EXD2: variants seen among roughly 807,000 people sequenced by gnomAD.
The protein encoded by EXD2 is exonuclease 3'-5' domain-containing protein 2.
In EXD2, 40 loss-of-function variants were observed where a neutral mutation model predicts 62.5. The observed-to-expected ratio is 0.64, with a 90% CI of 0.50 to 0.83. The LOEUF (loss-of-function observed/expected upper bound fraction) is 0.83, where lower values mean the gene tolerates loss of function less well. Among genes scored for constraint, EXD2 ranks in the 40% least tolerant of loss-of-function variants. The pLI, the probability that EXD2 is intolerant of heterozygous loss-of-function variation, is 0.00. For synonymous variants in EXD2, 239 were observed against 291.9 expected (o/e 0.82, Z 1.85); for missense variants, 671 against 761.8 (o/e 0.88, Z 1.40).
chr14:69,232,991 T>C (rs2043639457), intron 5 of EXD2, among the ~76,000 whole-genome samples: 2 of 152,230 alleles, frequency 1.3e-5, no homozygotes, highest in African/African-American at 4.8e-5. Flanking sequence ...TATTTTCTTC[T>C]AAAAGTCATA....
At chr14:69,232,694 C>T (rs561547333) in intron 5 of EXD2, among the ~76,000 whole-genome samples, 3 of 152,216 alleles carry the variant, frequency 2.0e-5, no homozygotes, top group South Asian at 2.1e-4. Flanking sequence ...GTATATCTTC[C>T]GTGGAGAAAT....
At chr14:69,196,958 A>G (rs1015007890) in intron 1 of EXD2, among the ~76,000 whole-genome samples, 1 of 152,120 alleles carries the variant, frequency 6.6e-6, no homozygotes, top group African/African-American at 2.4e-5. Flanking sequence ...TACTTGGTGT[A>G]AAGTGGTATC....
intron 2 of EXD2, among the ~76,000 whole-genome samples, chr14:69,208,391 T>C: frequency 6.6e-6 from 1 of 151,654 alleles, no homozygotes; most frequent in Non-Finnish European, 1.5e-5. Context: ...CTTGTCTTTT[T>C]AGTAGAGACG....
intron 3 of EXD2, among the ~76,000 whole-genome samples, chr14:69,215,294 ATATATGTGTGTGTG>A (rs1349043259): frequency 1.7e-4 from 23 of 137,112 alleles, no homozygotes; most frequent in Middle Eastern, 3.5e-3. Context: ...CATCTCAAAA[ATATATGTGTGTGTG>A]TGTGTGTGTG....
At chr14:69,202,208 C>T (rs1482323902) in intron 1 of EXD2, among the ~76,000 whole-genome samples, 1 of 151,950 alleles carries the variant, frequency 6.6e-6, no homozygotes, top group Non-Finnish European at 1.5e-5. Context: ...CCCGTTTCTA[C>T]CAAAAATACA....
intron 1 of EXD2, among the ~76,000 whole-genome samples, chr14:69,197,630 T>C (rs1012912360): frequency 2.0e-5 from 3 of 152,144 alleles, no homozygotes; most frequent in Non-Finnish European, 4.4e-5. Flanking sequence ...CCCGTCTTTA[T>C]GTCCATGTGT....
chr14:69,233,103 C>T (rs766972840), intron 5 of EXD2, among the ~76,000 whole-genome samples: 1 of 152,156 alleles, frequency 6.6e-6, no homozygotes, highest in Non-Finnish European at 1.5e-5. Context: ...TGTGGACCTC[C>T]AGTCATCCTA....
At chr14:69,197,361 T>G (rs1373939103) in intron 1 of EXD2, among the ~76,000 whole-genome samples, 1 of 152,234 alleles carries the variant, frequency 6.6e-6, no homozygotes, top group African/African-American at 2.4e-5. Flanking sequence ...ATATATGATT[T>G]GTAAATATTT....
Position 69,243,683 on chromosome 14 carries a change from C to T in EXD2, c.*2583C>T, listed in dbSNP as rs2044037714. 6.6e-6 allele frequency: 1 copy of T among 152,310 alleles called. No individual in the cohort carries two copies. The highest frequency in any genetic ancestry group is 1.5e-5 in the Non-Finnish European group (1 of 68,030). The allele number at this position is 152,310 out of a possible 1,614,324, so 9.4% of individuals were successfully genotyped here. On this transcript the variant is annotated 3_prime_UTR_variant, in exon 10 of 10. Coordinates refer to ENST00000685843, the MANE Select transcript of EXD2 (RefSeq NM_001193360.2). ...TTAAGAATGGAATCTTAGAATTGGA[C>T]TGTGAAGAGGGGGATTCACATTGCT...
intron 1 of EXD2, among the ~76,000 whole-genome samples, chr14:69,199,211 A>G (rs2042307741): frequency 6.6e-6 from 1 of 152,184 alleles, no homozygotes; most frequent in Non-Finnish European, 1.5e-5. Flanking sequence ...GCCACTGCAC[A>G]CCAGCCTGGG....
In EXD2 at chr14:69,242,599, A is replaced by T. The variant is rs967168644; in HGVS notation, c.*1499A>T. ...TTCAGGCAGGCATTTCTGGGATCTA[A>T]ACTAGAAATCCTTGAAAACAAATAG... On this transcript the variant is annotated 3_prime_UTR_variant, in exon 10 of 10. Transcript: ENST00000685843. 6.6e-6 allele frequency: 1 copy of T among 152,212 alleles called. No individual in the cohort carries two copies. Among genetic ancestry groups the T allele is most frequent in the African/African-American group, 2.4e-5 (1 of 41,444 alleles). 9.4% of individuals were successfully genotyped at this position (152,212 alleles called of 1,614,324 possible). A position where few individuals can be genotyped will look rare whatever the true frequency, so the allele number is the denominator to read the frequency against.
At chr14:69,205,583 T>C (rs956035768) in intron 2 of EXD2, among the ~76,000 whole-genome samples, 8 of 152,208 alleles carry the variant, frequency 5.3e-5, no homozygotes, top group African/African-American at 1.9e-4. Context: ...TTTAAAGTCC[T>C]TTTCAGATCT....
Position 69,209,610 on chromosome 14 carries a change from T to C in EXD2, c.140T>C (p.Val47Ala), listed in dbSNP as rs1367577577. 1 of 1,550,520 alleles carries C rather than the reference T, an allele frequency of 6.4e-7. No individual in the cohort carries two copies. Among genetic ancestry groups the C allele is most frequent in the East Asian group, 2.4e-5 (1 of 40,912 alleles). The change falls in exon 3 of 10, where the codon GTG becomes GCG. Residue 47 changes from valine to alanine, a missense_variant. Val to Ala is a moderately conservative substitution (Grantham distance 64, BLOSUM62 0). Coordinates refer to ENST00000685843, the MANE Select transcript of EXD2 (RefSeq NM_001193360.2). ...GTGACCCAACAGCCACAGCAGAAAGTGCTGGGCAGTAGAGAGCTGCCCCCT... is the reference window on the plus strand; with the variant it reads ...GTGACCCAACAGCCACAGCAGAAAGCGCTGGGCAGTAGAGAGCTGCCCCCT... Reference protein sequence around the residue: ...SPVTQQPQQKVLGSRELPPPE... With the variant: ...SPVTQQPQQKALGSRELPPPE...
chr14:69,215,876 T>C (rs1462539675), intron 3 of EXD2, among the ~76,000 whole-genome samples: 3 of 152,110 alleles, frequency 2.0e-5, no homozygotes, highest in African/African-American at 7.2e-5. Context: ...TCTTTACATA[T>C]TCTGCATATG....
intron 1 of EXD2, among the ~76,000 whole-genome samples, chr14:69,199,927 G>T (rs2042334668): frequency 6.6e-6 from 1 of 152,170 alleles, no homozygotes; most frequent in African/African-American, 2.4e-5. Context: ...TCGTTATCAG[G>T]TATGTGCTAT....
chr14:69,238,244 C>T (rs2043866821), intron 9 of EXD2, among the ~76,000 whole-genome samples: 1 of 152,182 alleles, frequency 6.6e-6, no homozygotes, highest in South Asian at 2.1e-4. Flanking sequence ...CTTACACATT[C>T]TATGCAGACG....
intron 5 of EXD2, among the ~76,000 whole-genome samples, chr14:69,233,160 C>T (rs1040130340): frequency 6.6e-6 from 1 of 152,144 alleles, no homozygotes; most frequent in Middle Eastern, 3.2e-3. Context: ...TTAGAGGGAA[C>T]TCTAAAGTCT....
chr14:69,230,278 A>C (rs950229372), intron 4 of EXD2, among the ~76,000 whole-genome samples, 194 bp from the exon 5 acceptor site: 17 of 152,244 alleles, frequency 1.1e-4, no homozygotes, highest in Non-Finnish European at 4.4e-5. Flanking sequence ...GGTTGGTGTG[A>C]GTATTAAATG....
At chr14:69,238,205 G>A (rs546724674) in intron 9 of EXD2, among the ~76,000 whole-genome samples, 6 of 152,278 alleles carry the variant, frequency 3.9e-5, no homozygotes, top group East Asian at 1.9e-4. Flanking sequence ...TGTGATTAGC[G>A]TGCGAGTGCA....
Sources: gnomAD v4.1 joint callset for allele counts (sites outside exome capture counted in the v4.1 genomes callset) on GRCh38, gnomAD v4.1.1 for gene constraint, MANE v1.5 for transcripts, NCBI Gene and HGNC (gene_info 2026-07-23, HGNC 2026-07-21) for gene names.